Variants in CHST15 observed in about 807,000 individuals in gnomAD.
CHST15 encodes the protein B cell RAG associated protein (GALNAC4S-6ST).
In CHST15, 30 loss-of-function variants were observed where a neutral mutation model predicts 53.6. That is an observed-to-expected ratio of 0.56 (90% CI 0.42 to 0.76). The LOEUF is 0.76. Among genes scored for constraint, CHST15 ranks in the 30% least tolerant of loss-of-function variants. The pLI is 0.00. For missense variants in CHST15, 627 were observed against 740.5 expected, an observed-to-expected ratio of 0.85 and a Z score of 1.78; for synonymous variants, 296 against 289.8, an observed-to-expected ratio of 1.02 and a Z score of -0.22.
Position 124,009,876 on chromosome 10 carries a change from C to T in CHST15, c.*273G>A, listed in dbSNP as rs544212444. ...CCCAGTGCAGGCCAGCTGGCTGCAT[C>T]CCCAAGCTCCAGGACGCTCAGAGCA... On this transcript the variant is annotated 3_prime_UTR_variant, in exon 8 of 8. Transcript: ENST00000435907. 8.0e-7 allele frequency: 1 copy of T among 1,250,354 alleles called. No homozygotes were observed. The highest frequency in any genetic ancestry group is 3.9e-5 in the Admixed American group (1 of 25,648). The allele number at this position is 1,250,354 out of a possible 1,614,324, so 77.5% of individuals were successfully genotyped here.
chr10:124,079,162 G>A (rs1311894922), intron 1 of CHST15, among the ~76,000 whole-genome samples: 1 of 152,160 alleles, frequency 6.6e-6, no homozygotes, highest in Non-Finnish European at 1.5e-5. Context: ...TTATTAAAAT[G>A]TAGAAAAATT....
At position 124,024,758 on chromosome 10, in the gene CHST15, C is replaced by A. The variant is rs772121630; in HGVS notation, c.1191-3346G>T. Reference sequence around the variant, plus strand: ...GGTCAATAAGTGCCAAAATCAGACACGCGTGAACCTTCAAGCAAGGTTTGG... The same window carrying A: ...GGTCAATAAGTGCCAAAATCAGACAAGCGTGAACCTTCAAGCAAGGTTTGG... On this transcript the variant is annotated intron_variant, in intron 5 of 7. Coordinates refer to ENST00000435907, the MANE Select transcript of CHST15 (RefSeq NM_001270764.2). The surrounding 1 kb of genome is among the most constrained non-coding windows in gnomAD (Gnocchi z 4.0). Among the ~76,000 whole-genome samples, 1 of 152,182 alleles carries A rather than the reference C, an allele frequency of 6.6e-6. No homozygotes were observed. Among genetic ancestry groups the A allele is most frequent in the Non-Finnish European group, 1.5e-5 (1 of 68,028 alleles).
In CHST15 at chr10:124,034,757, A is replaced by G. The variant is rs111412182; in HGVS notation, c.1190+3758T>C. Among the ~76,000 whole-genome samples the G allele has an allele frequency of 8.9e-3, 1,078 of 120,706 alleles. 66 individuals are homozygous for G. Among genetic ancestry groups the G allele is most frequent in the African/African-American group, 0.034 (990 of 29,232 alleles). The allele number at this position is 120,706 out of a possible 152,430, so 79.2% of individuals were successfully genotyped here. On this transcript the variant is annotated intron_variant, in intron 5 of 7. Coordinates refer to ENST00000435907, the MANE Select transcript of CHST15 (RefSeq NM_001270764.2). ...AGGGACCCCGGCTCCACCCCCTAAC[A>G]GGGACGCCGGCTCCACCCCCTAACA... is the stretch of plus-strand genomic sequence containing the variant.
At chr10:124,073,579 A>C (rs774016831) in intron 1 of CHST15, among the ~76,000 whole-genome samples, 7 of 152,196 alleles carry the variant, frequency 4.6e-5, no homozygotes, top group Non-Finnish European at 1.0e-4. Context: ...CAATTCCTTA[A>C]AAGTTCACCA....
chr10:124,061,746 C>CG (rs1263663915), intron 1 of CHST15, among the ~76,000 whole-genome samples: 1 of 152,206 alleles, frequency 6.6e-6, no homozygotes, highest in African/African-American at 2.4e-5. Flanking sequence ...GCCTCCAGGA[C>CG]GTGAGTTCAC....
intron 1 of CHST15, among the ~76,000 whole-genome samples, chr10:124,056,881 C>T (rs570969187): frequency 1.3e-5 from 2 of 151,502 alleles, no homozygotes; most frequent in Non-Finnish European, 2.9e-5. Context: ...GGACACTCTG[C>T]GGCCCAGGCC....
At chr10:124,056,277 C>T (rs1261826561) in intron 1 of CHST15, among the ~76,000 whole-genome samples, 3 of 152,168 alleles carry the variant, frequency 2.0e-5, no homozygotes, top group Non-Finnish European at 4.4e-5. Flanking sequence ...TGCAGTCTCA[C>T]CCAGAGACAC....
Position 124,008,405 on chromosome 10 carries a change from T to C in CHST15, c.*1744A>G. The C allele has an allele frequency of 1.0e-6, 1 of 997,872 alleles. No individual in the cohort carries two copies. The highest frequency in any genetic ancestry group is 1.2e-6 in the Non-Finnish European group (1 of 838,098). The allele number at this position is 997,872 out of a possible 1,614,324, so 61.8% of individuals were successfully genotyped here. On this transcript the variant is annotated 3_prime_UTR_variant, in exon 8 of 8. Coordinates refer to ENST00000435907, the MANE Select transcript of CHST15 (RefSeq NM_001270764.2). Reference sequence around the variant, plus strand: ...AATATACACACACACTGAAGTGATCTCTCCCTAAAGCATCCTTGTGCTCAG... The same window carrying C: ...AATATACACACACACTGAAGTGATCCCTCCCTAAAGCATCCTTGTGCTCAG...
chr10:124,011,027 A>T, intron 7 of CHST15: 2 of 984,684 alleles, frequency 2.0e-6, no homozygotes, highest in Non-Finnish European at 2.4e-6. Context: ...AGTCACCGCC[A>T]CGCCCCGCCC....
chr10:124,088,208 C>T (rs1030805947), intron 1 of CHST15, among the ~76,000 whole-genome samples: 8 of 152,210 alleles, frequency 5.3e-5, no homozygotes, highest in Admixed American at 4.6e-4. Flanking sequence ...GAAGTCTTCC[C>T]GGAACACTCC....
rs769781872 is a variant in CHST15, at chr10:124,036,881, T to C, written c.1190+1634A>G. 3.9e-5 allele frequency among the ~76,000 whole-genome samples: 6 copies of C among 152,152 alleles called. No homozygotes were observed. Among genetic ancestry groups the C allele is most frequent in the Non-Finnish European group, 7.4e-5 (5 of 68,014 alleles). ...CTGAAGAAGGGGTCCCAGGGGTCAG[T>C]TTCCCGGGGCTGCCAGGACAAATCA... is the stretch of plus-strand genomic sequence containing the variant. On this transcript the variant is annotated intron_variant, in intron 5 of 7. Coordinates refer to ENST00000435907, the MANE Select transcript of CHST15 (RefSeq NM_001270764.2). This position sits in a 1 kb window ranked among gnomAD's most constrained non-coding sequence, Gnocchi z 5.1.
At chr10:124,067,434 C>T (rs938128794) in intron 1 of CHST15, among the ~76,000 whole-genome samples, 2 of 152,210 alleles carry the variant, frequency 1.3e-5, no homozygotes, top group Non-Finnish European at 2.9e-5. Context: ...ATCACACTGT[C>T]GGAACCTCTC....
intron 1 of CHST15, among the ~76,000 whole-genome samples, chr10:124,072,265 C>T (rs577590116): frequency 4.1e-4 from 62 of 152,194 alleles, no homozygotes; most frequent in Non-Finnish European, 7.9e-4. Context: ...ACACACACCC[C>T]AGCTGGGGCT....
intron 5 of CHST15, among the ~76,000 whole-genome samples, chr10:124,025,398 GAA>G (rs1189833705): frequency 1.3e-5 from 2 of 152,224 alleles, no homozygotes; most frequent in Admixed American, 1.3e-4. Context: ...TCGGCTGGAT[GAA>G]AAGAGACTCC....
At chr10:124,047,683 C>T (rs1451660563) in intron 1 of CHST15, among the ~76,000 whole-genome samples, 2 of 152,132 alleles carry the variant, frequency 1.3e-5, no homozygotes, top group Non-Finnish European at 2.9e-5. Context: ...ATAAGGACAC[C>T]TTAACAGGTG....
intron 1 of CHST15, among the ~76,000 whole-genome samples, chr10:124,073,331 G>A (rs1948978649): frequency 6.6e-6 from 1 of 152,148 alleles, no homozygotes; most frequent in Admixed American, 6.5e-5. Flanking sequence ...AACCACACAG[G>A]ATTCCAGTTA....
At chr10:124,050,301 A>G (rs1948147440) in intron 1 of CHST15, among the ~76,000 whole-genome samples, 1 of 152,156 alleles carries the variant, frequency 6.6e-6, no homozygotes, top group Admixed American at 6.5e-5. Flanking sequence ...CACCAGGGGT[A>G]GGGGCTGCAG....
Position 124,034,788 on chromosome 10 carries a change from G to GGCTCCGCCCCTAACGGGGACC in CHST15, c.1190+3726_1190+3727insGGTCCCCGTTAGGGGCGGAGC, listed in dbSNP as rs1564868309. Among the ~76,000 whole-genome samples the GGCTCCGCCCCTAACGGGGACC allele has an allele frequency of 3.5e-5, 4 of 115,820 alleles. 1 individual carries two copies. Among genetic ancestry groups the GGCTCCGCCCCTAACGGGGACC allele is most frequent in the East Asian group, 5.8e-4 (2 of 3,470 alleles). 76.0% of individuals were successfully genotyped at this position (115,820 alleles called of 152,430 possible). The stretch of plus-strand genomic sequence containing the variant: ...GCCGGCTCCACCCCCTAACAGGGAC[G>GGCTCCGCCCCTAACGGGGACC]CCGGCTCCGCCCCTAACGGGGACCC... On this transcript the variant is annotated intron_variant, in intron 5 of 7. Coordinates refer to ENST00000435907, the MANE Select transcript of CHST15 (RefSeq NM_001270764.2).
intron 1 of CHST15, among the ~76,000 whole-genome samples, chr10:124,093,110 G>A (rs1397477515): frequency 6.6e-6 from 1 of 152,228 alleles, no homozygotes; most frequent in Non-Finnish European, 1.5e-5. Context: ...CAGGGCGCCC[G>A]GAGCGCGGCC....
Sources: allele counts gnomAD v4.1 joint callset (sites outside exome capture counted in the v4.1 genomes callset), GRCh38; gene constraint gnomAD v4.1.1; non-coding constraint Gnocchi (gnomAD v3.1); transcripts MANE v1.5; gene names NCBI Gene and HGNC (gene_info 2026-07-23, HGNC 2026-07-21).